DLGAP2: variants seen among roughly 807,000 people sequenced by gnomAD.
DLGAP2 encodes the protein DLG associated protein 2.
In DLGAP2, 26 loss-of-function variants were observed where a neutral mutation model predicts 100.3. The ratio of observed to expected loss-of-function variants is 0.26; its 90% CI spans 0.19 to 0.36. The LOEUF (loss-of-function observed/expected upper bound fraction) is 0.36. Among genes scored for constraint, DLGAP2 ranks in the 10% least tolerant of loss-of-function variants. The pLI is 1.00. For synonymous variants in DLGAP2, 886 were observed against 630.1 expected, an observed-to-expected ratio of 1.41 and a Z score of -6.08; for missense variants, 1,858 against 1,453.2, an observed-to-expected ratio of 1.28 and a Z score of -4.53.
chr8:1,258,580 C>G (rs1156771701), intron 2 of DLGAP2, among the ~76,000 whole-genome samples: 2 of 151,516 alleles, frequency 1.3e-5, no homozygotes, highest in African/African-American at 4.9e-5. Context: ...CACATGTATC[C>G]CAGAACTTAG....
chr8:1,304,473 C>CT (rs1383930869), intron 3 of DLGAP2, among the ~76,000 whole-genome samples: 5 of 152,188 alleles, frequency 3.3e-5, no homozygotes, highest in Non-Finnish European at 5.9e-5. Context: ...ACATTAAACA[C>CT]TTTCAGCAAA....
chr8:741,137 T>C (rs1232627401), intron 1 of DLGAP2, among the ~76,000 whole-genome samples: 2 of 152,226 alleles, frequency 1.3e-5, no homozygotes, highest in African/African-American at 4.8e-5. Flanking sequence ...TGGGTACTTG[T>C]GCGTACAAAA....
Position 1,678,187 on chromosome 8 carries a change from A to G in DLGAP2, c.2289-27A>G, listed in dbSNP as rs188841279. The G allele has an allele frequency of 6.5e-5, 103 of 1,584,338 alleles. No individual in the cohort carries two copies. The African/African-American group carries it at 1.1e-3, about 18-fold the overall frequency. Reference sequence around the variant, plus strand: ...ATGAAGTCCTCTCAGAAGGGCTACCATCTGTCTTCCTTCCCTCCTTTTGCA... The same window carrying G: ...ATGAAGTCCTCTCAGAAGGGCTACCGTCTGTCTTCCTTCCCTCCTTTTGCA... On this transcript the variant is annotated intron_variant, in intron 11 of 14. Transcript: ENST00000637795.
chr8:810,834 A>G (rs987650414), intron 1 of DLGAP2, among the ~76,000 whole-genome samples: 7 of 152,350 alleles, frequency 4.6e-5, no homozygotes, highest in Non-Finnish European at 7.3e-5. Context: ...TAGTTCAGTA[A>G]TGCAGTTATG....
intron 12 of DLGAP2, among the ~76,000 whole-genome samples, chr8:1,684,364 C>T (rs1799058702): frequency 6.6e-6 from 1 of 151,900 alleles, no homozygotes; most frequent in Non-Finnish European, 1.5e-5. Context: ...AGATATTTCC[C>T]TAAATGTTTA....
chr8:983,338 G>A (rs376141745), intron 2 of DLGAP2, among the ~76,000 whole-genome samples: 6 of 147,488 alleles, frequency 4.1e-5, no homozygotes, highest in African/African-American at 1.2e-4. Context: ...GGTACAGGTC[G>A]TCGAGATGTT....
At chr8:1,563,803 A>T (rs908825974) in intron 5 of DLGAP2, among the ~76,000 whole-genome samples, 7 of 152,092 alleles carry the variant, frequency 4.6e-5, no homozygotes, top group Non-Finnish European at 1.0e-4. Context: ...ACCTGCCTTC[A>T]CCACCAGCCA....
In DLGAP2 at chr8:1,204,415, C is replaced by T. The variant is rs139265035; in HGVS notation, c.74-54436C>T. 5.7e-3 allele frequency among the ~76,000 whole-genome samples: 869 copies of T among 152,310 alleles called. 11 individuals carry two copies. Among genetic ancestry groups the T allele is most frequent in the African/African-American group, 0.02 (811 of 41,576 alleles). ...AAGTGATACTCACAGGTGTGAGTGA[C>T]GGTGGACCCCGGCTGGAAGCCAGGC... On this transcript the variant is annotated intron_variant, in intron 2 of 14. Transcript: ENST00000637795.
intron 2 of DLGAP2, among the ~76,000 whole-genome samples, chr8:938,915 G>A (rs1404668616): frequency 6.6e-6 from 1 of 152,244 alleles, no homozygotes; most frequent in East Asian, 1.9e-4. Context: ...AGAGTGTGAG[G>A]ATGAGACCAA....
At chr8:1,089,098 T>C (rs1332410600) in intron 2 of DLGAP2, among the ~76,000 whole-genome samples, 3 of 142,822 alleles carry the variant, frequency 2.1e-5, no homozygotes, top group African/African-American at 8.1e-5. Flanking sequence ...GGCTATGCAA[T>C]TCTTGCTCCC....
At chr8:1,158,906 G>C (rs748283232) in intron 2 of DLGAP2, among the ~76,000 whole-genome samples, 1 of 152,244 alleles carries the variant, frequency 6.6e-6, no homozygotes, top group Non-Finnish European at 1.5e-5. Flanking sequence ...GGCCTGACCA[G>C]TGGAACTGAA....
intron 3 of DLGAP2, among the ~76,000 whole-genome samples, chr8:1,365,415 G>A (rs1439019829): frequency 2.6e-5 from 4 of 152,162 alleles, no homozygotes; most frequent in African/African-American, 9.7e-5. Flanking sequence ...CTCTCCAACC[G>A]TGGAGGGGGA....
chr8:1,661,632 G>C (rs181764744), intron 8 of DLGAP2, among the ~76,000 whole-genome samples: 2 of 152,330 alleles, frequency 1.3e-5, no homozygotes, highest in Non-Finnish European at 2.9e-5. Context: ...CAGATGATGG[G>C]TTGGGCAGTC....
At chr8:947,975 T>C (rs925190222) in intron 2 of DLGAP2, among the ~76,000 whole-genome samples, 2 of 87,746 alleles carry the variant, frequency 2.3e-5, no homozygotes, top group African/African-American at 4.0e-5. Context: ...CGCCATGGCT[T>C]CCCTGATCCC....
Position 1,376,975 on chromosome 8 carries a change from A to G in DLGAP2, c.106+118092A>G, listed in dbSNP as rs201448950. On this transcript the variant is annotated intron_variant, in intron 3 of 14. Transcript: ENST00000637795. ...AACTGATTTGTAATCACACCATGCA[A>G]TTAACAGAGTGCATCAGGGACCACA... 7.0e-4 allele frequency among the ~76,000 whole-genome samples: 106 copies of G among 152,356 alleles called. 2 individuals carry two copies. Among genetic ancestry groups the G allele is most frequent in the African/African-American group, 2.4e-3 (99 of 41,592 alleles).
chr8:1,519,830 C>T (rs565559683), intron 4 of DLGAP2, among the ~76,000 whole-genome samples: 156 of 152,362 alleles, frequency 1.0e-3, no homozygotes, highest in South Asian at 3.5e-3. Context: ...GTGATGGCCC[C>T]GGCAGGGCCG....
chr8:886,568 G>T (rs762662326), intron 1 of DLGAP2, among the ~76,000 whole-genome samples: 2 of 152,164 alleles, frequency 1.3e-5, no homozygotes, highest in Non-Finnish European at 2.9e-5. Flanking sequence ...CTGATACGTT[G>T]TCTCTTTGTT....
chr8:1,267,783 G>C (rs1799497934), intron 3 of DLGAP2, among the ~76,000 whole-genome samples: 1 of 151,794 alleles, frequency 6.6e-6, no homozygotes, highest in Admixed American at 6.6e-5. Flanking sequence ...GATGTCTGTT[G>C]GGGCAGAATG....
At chr8:896,586 G>T (rs986854950) in intron 1 of DLGAP2, among the ~76,000 whole-genome samples, 7 of 152,112 alleles carry the variant, frequency 4.6e-5, no homozygotes, top group Non-Finnish European at 1.0e-4. Context: ...CCTGGGGGGC[G>T]ATGACGGCGA....
Sources: allele counts gnomAD v4.1 joint callset (sites outside exome capture counted in the v4.1 genomes callset), GRCh38; gene constraint gnomAD v4.1.1; transcripts MANE v1.5; gene names NCBI Gene and HGNC (gene_info 2026-07-23, HGNC 2026-07-21).